JAKMIP1: variants seen among roughly 807,000 people sequenced by gnomAD.
The protein encoded by JAKMIP1 is janus kinase and microtubule interacting protein 1, also known as janus kinase and microtubule-interacting protein 1.
In JAKMIP1, 33 loss-of-function variants were observed where a neutral mutation model predicts 113.0. The observed-to-expected ratio is 0.29, with a 90% CI of 0.22 to 0.39. The LOEUF (loss-of-function observed/expected upper bound fraction) is 0.39. JAKMIP1 is among the 10% of genes least tolerant of loss of function. JAKMIP1 has a pLI of 1.00. For missense variants in JAKMIP1, 813 were observed against 1,080.5 expected (o/e 0.75, Z 3.47); for synonymous variants, 480 against 459.9 (o/e 1.04, Z -0.56).
chr4:6,083,022 C>T (rs1030104428), intron 5 of JAKMIP1, among the ~76,000 whole-genome samples: 2 of 152,038 alleles, frequency 1.3e-5, no homozygotes, highest in African/African-American at 2.4e-5. Context: ...TAAAATAAAA[C>T]AAAGTCTCTC....
At position 6,154,900 on chromosome 4, in the gene JAKMIP1, C is replaced by A. The variant is rs1722041760; in HGVS notation, c.-147-41903G>T. Among the ~76,000 whole-genome samples, 1 of 152,160 alleles carries A rather than the reference C, an allele frequency of 6.6e-6. No individual in the cohort carries two copies. Among genetic ancestry groups the A allele is most frequent in the African/African-American group, 2.4e-5 (1 of 41,428 alleles). On this transcript the variant is annotated intron_variant, in intron 1 of 20. Transcript: ENST00000409021. The surrounding 1 kb of genome is among the most constrained non-coding windows in gnomAD (Gnocchi z 4.2). ...GCCTCCCACAGGAAGCCCCCTGAGA[C>A]CCTCTCACTCCACAAACCAACACAG... is the stretch of plus-strand genomic sequence containing the variant.
chr4:6,069,179 C>T lies in JAKMIP1; in HGVS notation c.1303-4171G>A, dbSNP rs765565017. 1.3e-5 allele frequency among the ~76,000 whole-genome samples: 2 copies of T among 152,090 alleles called. No homozygotes were observed. Among genetic ancestry groups the T allele is most frequent in the Non-Finnish European group, 2.9e-5 (2 of 68,030 alleles). ...TTCTCAAGAGATGAGGGGAGAACCG[C>T]CCAGAAAACATTGTTTCCTGTCATG... On this transcript the variant is annotated intron_variant, in intron 8 of 20. Coordinates refer to ENST00000409021, the MANE Select transcript of JAKMIP1 (RefSeq NM_001099433.2). This position sits in a 1 kb window ranked among gnomAD's most constrained non-coding sequence, Gnocchi z 4.5.
At chr4:6,092,710 CT>C (rs1560172105) in intron 3 of JAKMIP1, among the ~76,000 whole-genome samples, 1 of 152,164 alleles carries the variant, frequency 6.6e-6, no homozygotes, top group East Asian at 1.9e-4. Flanking sequence ...AATAGAAAAC[CT>C]TTTCAGTGTT....
chr4:6,051,948 A>C lies in JAKMIP1; in HGVS notation c.1807-1269T>G, dbSNP rs568408184. Reference sequence around the variant, plus strand: ...GTTTGAGCAGAGTTACGGTAAGGTAAAAAATAACATGCTTTGGGCCATTCT... The same window carrying C: ...GTTTGAGCAGAGTTACGGTAAGGTACAAAATAACATGCTTTGGGCCATTCT... On this transcript the variant is annotated intron_variant, in intron 13 of 20. Coordinates refer to ENST00000409021, the MANE Select transcript of JAKMIP1 (RefSeq NM_001099433.2). The surrounding 1 kb of genome is among the most constrained non-coding windows in gnomAD (Gnocchi z 5.0). Among the ~76,000 whole-genome samples, 1 of 152,340 alleles carries C rather than the reference A, an allele frequency of 6.6e-6. No homozygotes were observed. Among genetic ancestry groups the C allele is most frequent in the South Asian group, 2.1e-4 (1 of 4,826 alleles).
At chr4:6,054,814 G>A (rs1363866557) in intron 12 of JAKMIP1, 2 of 456,602 alleles carry the variant, frequency 4.4e-6, no homozygotes, top group South Asian at 1.5e-5. Context: ...CTAAAATAAC[G>A]CATGTACACG....
chr4:6,044,604 T>C lies in JAKMIP1; in HGVS notation c.2029-2377A>G, dbSNP rs771244306. 3.3e-4 allele frequency among the ~76,000 whole-genome samples: 50 copies of C among 152,198 alleles called. No individual in the cohort carries two copies. Among genetic ancestry groups the C allele is most frequent in the Non-Finnish European group, 5.9e-4 (40 of 68,038 alleles). ...AGGTATTTCAGTTTTAATATCCTCA[T>C]GCAAGCAGTCATAAAATGAATAAAA... On this transcript the variant is annotated intron_variant, in intron 16 of 20. Coordinates refer to ENST00000409021, the MANE Select transcript of JAKMIP1 (RefSeq NM_001099433.2). This position sits in a 1 kb window ranked among gnomAD's most constrained non-coding sequence, Gnocchi z 4.4.
intron 1 of JAKMIP1, among the ~76,000 whole-genome samples, chr4:6,170,228 TCCA>T (rs1422935885): frequency 2.5e-5 from 3 of 118,156 alleles, no homozygotes. Flanking sequence ...CATAATGCTC[TCCA>T]CCATCACCAC....
At position 6,098,546 on chromosome 4, in the gene JAKMIP1, A is replaced by AAAAGAAAG. The variant is rs759936324; in HGVS notation, c.624+6919_624+6926dup. On this transcript the variant is annotated intron_variant, in intron 3 of 20. Coordinates refer to ENST00000409021, the MANE Select transcript of JAKMIP1 (RefSeq NM_001099433.2). ...AGAAAGAGAGAGAGAGAGAGAAAGA[A>AAAAGAAAG]AAAGAAAGAAAGAAAGAAAGAAAGA... is the stretch of plus-strand genomic sequence containing the variant. Among the ~76,000 whole-genome samples the AAAAGAAAG allele has an allele frequency of 3.4e-3, 158 of 46,556 alleles. 1 individual carries two copies. The highest frequency in any genetic ancestry group is 0.011 in the Middle Eastern group (1 of 90). The allele number at this position is 46,556 out of a possible 152,430, so 30.5% of individuals were successfully genotyped here. A position where few individuals can be genotyped will look rare whatever the true frequency, so the allele number is the denominator to read the frequency against.
intron 3 of JAKMIP1, among the ~76,000 whole-genome samples, chr4:6,098,198 A>G (rs1017026091): frequency 1.3e-5 from 2 of 152,220 alleles, no homozygotes; most frequent in Non-Finnish European, 2.9e-5. Flanking sequence ...CGGGATGCCA[A>G]GACAGGTGGA....
In JAKMIP1 at chr4:6,186,451, C is replaced by A. The variant is rs1202874255; in HGVS notation, c.-148+13802G>T. The stretch of plus-strand genomic sequence containing the variant: ...GCCTCTGGTGTCTGGCTGGCAAGAA[C>A]TGAACATCAGCTACAGGCCAGGCAT... On this transcript the variant is annotated intron_variant, in intron 1 of 20. Transcript: ENST00000409021. This position sits in a 1 kb window ranked among gnomAD's most constrained non-coding sequence, Gnocchi z 5.5. Among the ~76,000 whole-genome samples the A allele has an allele frequency of 6.6e-6, 1 of 152,236 alleles. No individual in the cohort carries two copies.
chr4:6,121,740 G>T (rs1013327897), intron 1 of JAKMIP1, among the ~76,000 whole-genome samples: 1 of 152,142 alleles, frequency 6.6e-6, no homozygotes, highest in African/African-American at 2.4e-5. Context: ...TGATTTTTCC[G>T]GAGAAAGCTA....
At chr4:6,189,893 G>A (rs993525510) in intron 1 of JAKMIP1, among the ~76,000 whole-genome samples, 1 of 152,038 alleles carries the variant, frequency 6.6e-6, no homozygotes, top group South Asian at 2.1e-4. Flanking sequence ...GAGCAGCCGG[G>A]GGACTGTGTA....
At chr4:6,028,171 T>C (rs1712106194) in intron 20 of JAKMIP1, among the ~76,000 whole-genome samples, 1 of 152,240 alleles carries the variant, frequency 6.6e-6, no homozygotes, top group Non-Finnish European at 1.5e-5. Flanking sequence ...CCCAGGCTCA[T>C]CTATCTGCGA....
At position 6,076,505 on chromosome 4, in the gene JAKMIP1, T is replaced by C. The variant is rs76432915; in HGVS notation, c.1302+2434A>G. Among the ~76,000 whole-genome samples, 90 of 152,312 alleles carry C rather than the reference T, an allele frequency of 5.9e-4. 1 individual carries two copies. In the East Asian group the frequency reaches 0.016, roughly 26 times the overall value. ...GAGATTGTTTAAATACCCACTCATC[T>C]GAGAATCCAGGACCTAGCAAATCAC... On this transcript the variant is annotated intron_variant, in intron 8 of 20. Coordinates refer to ENST00000409021, the MANE Select transcript of JAKMIP1 (RefSeq NM_001099433.2). The surrounding 1 kb of genome is among the most constrained non-coding windows in gnomAD (Gnocchi z 4.8).
chr4:6,056,845 T>C (rs1395932390), intron 11 of JAKMIP1, 86 bp from the exon 12 acceptor site: 16 of 900,156 alleles, frequency 1.8e-5, no homozygotes, highest in Non-Finnish European at 3.0e-5. Context: ...GGTCACTTTC[T>C]ATGAAACTGA....
intron 3 of JAKMIP1, among the ~76,000 whole-genome samples, chr4:6,099,558 C>T (rs1037567005): frequency 1.3e-5 from 2 of 152,314 alleles, no homozygotes; most frequent in South Asian, 4.1e-4. Flanking sequence ...GTCATAAACC[C>T]CACAATACAA....
rs187654814 is a variant in JAKMIP1 at position 6,185,372 on chromosome 4, G to A, written c.-148+14881C>T. ...TTAAAAGCCAGACCCCAGGGGCCGG[G>A]CACGGTGGCTCACGCCTGTAATCCC... On this transcript the variant is annotated intron_variant, in intron 1 of 20. Transcript: ENST00000409021. This position sits in a 1 kb window ranked among gnomAD's most constrained non-coding sequence, Gnocchi z 5.3. Among the ~76,000 whole-genome samples, 1 of 152,338 alleles carries A rather than the reference G, an allele frequency of 6.6e-6. No individual in the cohort carries two copies.
chr4:6,166,570 C>A (rs1022472605), intron 1 of JAKMIP1, among the ~76,000 whole-genome samples: 2 of 152,256 alleles, frequency 1.3e-5, no homozygotes, highest in African/African-American at 4.8e-5. Flanking sequence ...TGCAGCCGCG[C>A]TGAAATCTCC....
At chr4:6,055,588 G>A (rs1439022750) in intron 12 of JAKMIP1, among the ~76,000 whole-genome samples, 3 of 152,170 alleles carry the variant, frequency 2.0e-5, no homozygotes, top group African/African-American at 4.8e-5. Flanking sequence ...AAGGGCTCTG[G>A]ACCATAAAGC....
Sources: allele counts gnomAD v4.1 joint callset (sites outside exome capture counted in the v4.1 genomes callset), GRCh38; gene constraint gnomAD v4.1.1; non-coding constraint Gnocchi (gnomAD v3.1); transcripts MANE v1.5; gene names NCBI Gene and HGNC (gene_info 2026-07-23, HGNC 2026-07-21).